The following SLC2A13 variants were observed in gnomAD, a reference collection of about 807,000 sequenced individuals.
The protein encoded by SLC2A13 is solute carrier family 2 member 13.
Under a neutral mutation model 64.4 loss-of-function variants are expected in SLC2A13, and 32 were observed. The observed-to-expected ratio is 0.50, with a 90% CI of 0.37 to 0.67. The LOEUF (loss-of-function observed/expected upper bound fraction) is 0.67, where lower values mean the gene tolerates loss of function less well. Among genes scored for constraint, SLC2A13 ranks in the 30% least tolerant of loss-of-function variants. The pLI, the probability that SLC2A13 is intolerant of heterozygous loss-of-function variation, is 0.00. For synonymous variants in SLC2A13, 338 were observed against 327.1 expected (o/e 1.03, Z -0.36); for missense variants, 743 against 829.2 (o/e 0.90, Z 1.28).
chr12:39,894,456 TACTC>T (rs1367743414), intron 4 of SLC2A13, among the ~76,000 whole-genome samples: 3 of 152,210 alleles, frequency 2.0e-5, no homozygotes, highest in Admixed American at 1.3e-4. Flanking sequence ...TAAAAGGACT[TACTC>T]AATATAAAGA....
Position 40,044,865 on chromosome 12 carries a change from C to CT in SLC2A13, c.716+3185dup, listed in dbSNP as rs146229035. On this transcript the variant is annotated intron_variant, in intron 2 of 9. Coordinates refer to ENST00000280871, the MANE Select transcript of SLC2A13 (RefSeq NM_052885.4). ...CTGTAAAAATTATCAAAAATTATGG[C>CT]TGTTAGATTATAAACGCTTGAAAGC... Among the ~76,000 whole-genome samples the CT allele has an allele frequency of 7.6e-3, 1,151 of 152,220 alleles. 13 individuals carry two copies. The highest frequency in any genetic ancestry group is 0.026 in the African/African-American group (1,089 of 41,536).
chr12:39,978,364 G>C (rs530241719), intron 3 of SLC2A13, among the ~76,000 whole-genome samples: 1 of 152,310 alleles, frequency 6.6e-6, no homozygotes, highest in Non-Finnish European at 1.5e-5. Context: ...AGCTCCCAGC[G>C]TAAGCGATGC....
At chr12:40,056,922 G>C (rs1948341141) in intron 1 of SLC2A13, among the ~76,000 whole-genome samples, 2 of 152,130 alleles carry the variant, frequency 1.3e-5, no homozygotes, top group South Asian at 4.1e-4. Context: ...GGAGCTTGCA[G>C]TGAGTCGAGA....
chr12:39,812,300 C>T (rs1042220468), intron 7 of SLC2A13, among the ~76,000 whole-genome samples: 1 of 151,252 alleles, frequency 6.6e-6, no homozygotes, highest in African/African-American at 2.5e-5. Flanking sequence ...TCCCAAAGGC[C>T]CCACCTCTAA....
At chr12:39,963,144 G>A (rs944939208) in intron 3 of SLC2A13, among the ~76,000 whole-genome samples, 4 of 151,878 alleles carry the variant, frequency 2.6e-5, no homozygotes, top group Non-Finnish European at 2.9e-5. Context: ...AAAATTAGCC[G>A]GGCATGGTGG....
Position 39,903,958 on chromosome 12 carries a change from G to A in SLC2A13, c.1035-31997C>T, listed in dbSNP as rs146589776. Reference sequence around the variant, plus strand: ...ACTAAAGAACAACAGACAGGATACTGCTATTTATCAGATTTCCTGCAGCTA... The same window carrying A: ...ACTAAAGAACAACAGACAGGATACTACTATTTATCAGATTTCCTGCAGCTA... On this transcript the variant is annotated intron_variant, in intron 4 of 9. Transcript: ENST00000280871. 2.0e-5 allele frequency among the ~76,000 whole-genome samples: 3 copies of A among 152,152 alleles called. No individual in the cohort carries two copies. In the East Asian group the frequency reaches 5.8e-4, roughly 29 times the overall value.
At position 39,894,425 on chromosome 12, in the gene SLC2A13, GT is replaced by G. The variant is rs145727747; in HGVS notation, c.1035-22465del. 2.6e-5 allele frequency among the ~76,000 whole-genome samples: 4 copies of G among 152,270 alleles called. No homozygotes were observed. The East Asian group carries it at 7.7e-4, about 29-fold the overall frequency. ...TCACCCATAATGAACATTCAGATAAGTGAACCCCTAATACCTTTAATAAAAG... is the reference window on the plus strand; with the variant it reads ...TCACCCATAATGAACATTCAGATAAGGAACCCCTAATACCTTTAATAAAAG... On this transcript the variant is annotated intron_variant, in intron 4 of 9. Coordinates refer to ENST00000280871, the MANE Select transcript of SLC2A13 (RefSeq NM_052885.4).
chr12:40,028,231 G>A lies in SLC2A13; in HGVS notation c.925+70C>T, dbSNP rs564810715. 8.4e-5 allele frequency: 87 copies of A among 1,036,094 alleles called. No homozygotes were observed. The South Asian group carries it at 9.7e-4, about 12-fold the overall frequency. The allele number at this position is 1,036,094 out of a possible 1,614,324, so 64.2% of individuals were successfully genotyped here. On this transcript the variant is annotated intron_variant, in intron 3 of 9. Transcript: ENST00000280871. ...TATTAAAAATATATTATACACACAC[G>A]CACACAAAATAATGACAAATAAGAC...
intron 4 of SLC2A13, among the ~76,000 whole-genome samples, chr12:39,945,339 A>G (rs1023960309): frequency 6.6e-6 from 1 of 152,002 alleles, no homozygotes; most frequent in Non-Finnish European, 1.5e-5. Flanking sequence ...GCCTAGGTGA[A>G]GGTCTTTTTG....
chr12:40,083,965 AG>A (rs1938504770), intron 1 of SLC2A13, among the ~76,000 whole-genome samples: 1 of 152,220 alleles, frequency 6.6e-6, no homozygotes, highest in African/African-American at 2.4e-5. Context: ...GATCAACACC[AG>A]GTATCATTCA....
intron 1 of SLC2A13, among the ~76,000 whole-genome samples, chr12:40,056,532 G>A (rs1318670740): frequency 6.6e-6 from 1 of 152,094 alleles, no homozygotes; most frequent in Non-Finnish European, 1.5e-5. Flanking sequence ...CTTTCCCCAA[G>A]GCAGTGAATT....
chr12:39,946,711 G>A (rs1224973195), intron 4 of SLC2A13, among the ~76,000 whole-genome samples: 2 of 152,200 alleles, frequency 1.3e-5, no homozygotes, highest in Non-Finnish European at 2.9e-5. Flanking sequence ...CTCCCACCAT[G>A]TTCCCGCAAC....
chr12:39,867,099 T>C (rs1315666948), intron 5 of SLC2A13, among the ~76,000 whole-genome samples: 2 of 152,194 alleles, frequency 1.3e-5, no homozygotes, highest in Non-Finnish European at 2.9e-5. Context: ...ATGAAGATCA[T>C]ACCTCTCTCC....
At position 39,757,152 on chromosome 12, in the gene SLC2A13, C is replaced by T. The variant is rs1939990491; in HGVS notation, c.*2874G>A. 6.6e-6 allele frequency: 1 copy of T among 151,724 alleles called. No individual in the cohort carries two copies. Among genetic ancestry groups the T allele is most frequent in the Non-Finnish European group, 1.5e-5 (1 of 67,686 alleles). 9.4% of individuals were successfully genotyped at this position (151,724 alleles called of 1,614,324 possible). On this transcript the variant is annotated 3_prime_UTR_variant, in exon 10 of 10. Transcript: ENST00000280871. The stretch of plus-strand genomic sequence containing the variant: ...GATGAAATGATATATCCTCTTAAGT[C>T]TAGTGCAGATCAGACATCCAGCCTC...
chr12:39,858,427 C>G (rs1191518171), intron 6 of SLC2A13, among the ~76,000 whole-genome samples: 4 of 151,846 alleles, frequency 2.6e-5, no homozygotes, highest in African/African-American at 7.3e-5. Flanking sequence ...GAAACAGATT[C>G]ATTTTATAGG....
At chr12:39,941,979 C>G (rs992504329) in intron 4 of SLC2A13, among the ~76,000 whole-genome samples, 1 of 152,126 alleles carries the variant, frequency 6.6e-6, no homozygotes, top group African/African-American at 2.4e-5. Context: ...CCTTTCTCCA[C>G]TTTATGTTTT....
intron 6 of SLC2A13, among the ~76,000 whole-genome samples, chr12:39,857,563 C>A (rs759880698): frequency 6.6e-6 from 1 of 152,190 alleles, no homozygotes; most frequent in Non-Finnish European, 1.5e-5. Flanking sequence ...TTTCTCCCTT[C>A]ATCACCATTT....
intron 4 of SLC2A13, among the ~76,000 whole-genome samples, chr12:39,916,636 T>C (rs1480046732): frequency 6.6e-6 from 1 of 152,136 alleles, no homozygotes; most frequent in African/African-American, 2.4e-5. Context: ...CAGAGTTGTA[T>C]AGCTCACCAG....
chr12:39,996,582 G>A (rs1476869729), intron 3 of SLC2A13, among the ~76,000 whole-genome samples: 1 of 152,192 alleles, frequency 6.6e-6, no homozygotes, highest in Non-Finnish European at 1.5e-5. Context: ...GTGGTTTTGT[G>A]GGCTGGGCCC....
Sources: gnomAD v4.1 joint callset for allele counts (sites outside exome capture counted in the v4.1 genomes callset) on GRCh38, gnomAD v4.1.1 for gene constraint, MANE v1.5 for transcripts, NCBI Gene and HGNC (gene_info 2026-07-23, HGNC 2026-07-21) for gene names.